Variants in TNR observed in about 807,000 individuals in gnomAD.
TNR encodes the protein tenascin-R.
TNR carries 45 observed loss-of-function variants against 150.4 expected under a neutral mutation model. The observed-to-expected ratio is 0.30, with a 90% CI of 0.24 to 0.38. TNR has a LOEUF of 0.38. Ranked by LOEUF, TNR falls within the 10% of genes least tolerant of loss-of-function variation. The probability of loss-of-function intolerance (pLI) is 1.00; values close to 1 mark genes in which losing one functional copy is unlikely to be tolerated. For missense variants in TNR, 1,544 were observed against 1,759.1 expected (o/e 0.88, Z 2.19); for synonymous variants, 687 against 678.4 (o/e 1.01, Z -0.20).
chr1:175,583,427 G>A (rs1434001719), intron 1 of TNR, among the ~76,000 whole-genome samples: 1 of 152,214 alleles, frequency 6.6e-6, no homozygotes, highest in Non-Finnish European at 1.5e-5. Context: ...CCCAGCAGCA[G>A]GCAGCAGCAG....
chr1:175,650,566 G>A (rs1474451117), intron 1 of TNR, among the ~76,000 whole-genome samples: 3 of 151,566 alleles, frequency 2.0e-5, no homozygotes, highest in East Asian at 1.9e-4. Flanking sequence ...GGAACAATAT[G>A]TCCACTACTC....
intron 2 of TNR, among the ~76,000 whole-genome samples, chr1:175,436,820 A>G (rs1356986773): frequency 6.6e-6 from 1 of 152,230 alleles, no homozygotes; most frequent in Non-Finnish European, 1.5e-5. Flanking sequence ...GATCAATTCA[A>G]CAAGAACTTA....
intron 1 of TNR, among the ~76,000 whole-genome samples, chr1:175,588,432 T>C (rs1349868256): frequency 6.6e-6 from 1 of 152,206 alleles, no homozygotes; most frequent in Non-Finnish European, 1.5e-5. Flanking sequence ...TGAAGCAAAT[T>C]TGGCACTCCT....
intron 1 of TNR, among the ~76,000 whole-genome samples, chr1:175,643,420 A>G (rs1664722657): frequency 1.3e-5 from 2 of 152,218 alleles, no homozygotes; most frequent in African/African-American, 4.8e-5. Context: ...CCTGTGCCTC[A>G]GTTTCTTCAT....
At chr1:175,370,518 G>A (rs1652055311) in intron 9 of TNR, among the ~76,000 whole-genome samples, 1 of 151,934 alleles carries the variant, frequency 6.6e-6, no homozygotes, top group Admixed American at 6.6e-5. Context: ...AGGTGGCAGT[G>A]AGGACCTTCT....
intron 1 of TNR, among the ~76,000 whole-genome samples, chr1:175,586,062 T>C (rs567024353): frequency 2.0e-5 from 3 of 152,302 alleles, no homozygotes; most frequent in East Asian, 3.9e-4. Flanking sequence ...TAATACAGCA[T>C]GGTGTGTCCT....
chr1:175,535,385 G>A (rs1306870853), intron 1 of TNR, among the ~76,000 whole-genome samples: 1 of 152,184 alleles, frequency 6.6e-6, no homozygotes, highest in Admixed American at 6.5e-5. Flanking sequence ...TCTGGATGGT[G>A]TGTTTAAATC....
In TNR at chr1:175,599,399, G is replaced by T. The variant is rs1305121399; in HGVS notation, c.-164-71030C>A. On this transcript the variant is annotated intron_variant, in intron 1 of 22. Coordinates refer to ENST00000367674, the MANE Select transcript of TNR (RefSeq NM_003285.3). This position sits in a 1 kb window ranked among gnomAD's most constrained non-coding sequence, Gnocchi z 4.7. ...CCTCAGGCAGTCGGAGGGGCCCGGCGGAGCTGTGTTCGTGTTGTCATGGCG... is the reference window on the plus strand; with the variant it reads ...CCTCAGGCAGTCGGAGGGGCCCGGCTGAGCTGTGTTCGTGTTGTCATGGCG... Among the ~76,000 whole-genome samples, 1 of 152,254 alleles carries T rather than the reference G, an allele frequency of 6.6e-6. No homozygotes were observed. Among genetic ancestry groups the T allele is most frequent in the Non-Finnish European group, 1.5e-5 (1 of 68,048 alleles).
At chr1:175,367,795 G>A (rs1250159680) in intron 9 of TNR, among the ~76,000 whole-genome samples, 3 of 151,330 alleles carry the variant, frequency 2.0e-5, no homozygotes, top group Non-Finnish European at 4.5e-5. Context: ...CTTCTAGGGA[G>A]GAACAGTGGA....
chr1:175,523,879 C>G (rs970114750), intron 2 of TNR, among the ~76,000 whole-genome samples: 2 of 152,286 alleles, frequency 1.3e-5, no homozygotes, highest in South Asian at 2.1e-4. Context: ...TTCTGTGAAG[C>G]CTCAATACTC....
intron 3 of TNR, among the ~76,000 whole-genome samples, chr1:175,403,983 A>G (rs1653839041): frequency 6.6e-6 from 1 of 152,134 alleles, no homozygotes. Context: ...GAAAGTTGGG[A>G]AGGGAACGTG....
chr1:175,666,350 G>T (rs1327813319), intron 1 of TNR, among the ~76,000 whole-genome samples: 2 of 152,116 alleles, frequency 1.3e-5, no homozygotes, highest in Non-Finnish European at 2.9e-5. Flanking sequence ...TAAACATGCT[G>T]TCATGGAACC....
chr1:175,320,319 G>C lies in TNR; in HGVS notation c.*3038C>G, dbSNP rs1648970165. On this transcript the variant is annotated 3_prime_UTR_variant, in exon 23 of 23. Transcript: ENST00000367674. ...ACCATAGACCTTGGGATGAGAGTGG[G>C]GCACAGTGTCTTTTAAACATGGTGA... is the stretch of plus-strand genomic sequence containing the variant. 1 of 152,146 alleles carries C rather than the reference G, an allele frequency of 6.6e-6. No individual in the cohort carries two copies. Among genetic ancestry groups the C allele is most frequent in the African/African-American group, 2.4e-5 (1 of 41,374 alleles). The allele number at this position is 152,146 out of a possible 1,614,324, so 9.4% of individuals were successfully genotyped here.
chr1:175,372,046 T>C (rs1018458395), intron 9 of TNR, among the ~76,000 whole-genome samples: 3 of 152,232 alleles, frequency 2.0e-5, no homozygotes, highest in African/African-American at 7.2e-5. Flanking sequence ...CTCCAGATAG[T>C]GAGTGAGTTC....
intron 1 of TNR, among the ~76,000 whole-genome samples, chr1:175,671,015 T>C (rs1382263780): frequency 6.6e-6 from 1 of 152,060 alleles, no homozygotes; most frequent in African/African-American, 2.4e-5. Flanking sequence ...TGATGATGGC[T>C]GGAACTCAGG....
intron 1 of TNR, among the ~76,000 whole-genome samples, chr1:175,690,648 G>A (rs1004296676): frequency 6.6e-6 from 1 of 152,226 alleles, no homozygotes; most frequent in African/African-American, 2.4e-5. Flanking sequence ...TGGCTTAAGT[G>A]CCAGGGGGAG....
intron 5 of TNR, among the ~76,000 whole-genome samples, chr1:175,394,949 G>T (rs1571380592): frequency 6.6e-6 from 1 of 152,280 alleles, no homozygotes; most frequent in East Asian, 1.9e-4. Context: ...CAGGCACTTA[G>T]GGTGGTGACT....
intron 2 of TNR, among the ~76,000 whole-genome samples, chr1:175,459,860 A>C (rs963233743): frequency 9.6e-6 from 1 of 104,548 alleles, no homozygotes; most frequent in African/African-American, 4.4e-5. Flanking sequence ...CTCCTATTGA[A>C]ATGAAAGAAC....
At chr1:175,632,961 T>C (rs570056355) in intron 1 of TNR, among the ~76,000 whole-genome samples, 4 of 152,362 alleles carry the variant, frequency 2.6e-5, no homozygotes, top group African/African-American at 9.6e-5. Flanking sequence ...GGTGGAGTTC[T>C]TGGCCATATA....
Sources: gnomAD v4.1 joint callset for allele counts (sites outside exome capture counted in the v4.1 genomes callset) on GRCh38, gnomAD v4.1.1 for gene constraint, Gnocchi (gnomAD v3.1) non-coding constraint, MANE v1.5 for transcripts, NCBI Gene and HGNC (gene_info 2026-07-23, HGNC 2026-07-21) for gene names.